TENM1: variants seen among roughly 807,000 people sequenced by gnomAD.
TENM1 encodes teneurin transmembrane protein 1.
A neutral mutation model predicts 174.8 loss-of-function variants in TENM1; 35 were observed. That is an observed-to-expected ratio of 0.20 (90% CI 0.15 to 0.27). TENM1 has a LOEUF of 0.27. Among genes scored for constraint, TENM1 ranks in the 10% least tolerant of loss-of-function variants. The probability of loss-of-function intolerance (pLI) is 1.00; values close to 1 mark genes in which losing one functional copy is unlikely to be tolerated. For missense variants in TENM1, 1,633 were observed against 2,130.1 expected (o/e 0.77, Z 4.59); for synonymous variants, 781 against 798.7 (o/e 0.98, Z 0.37).
the TENM1 span, among the ~76,000 whole-genome samples, chrX:125,096,194 A>G: frequency 9.0e-6 from 1 of 111,699 alleles, no homozygotes; most frequent in Non-Finnish European, 1.9e-5. Flanking sequence ...CAAGCTGGAG[A>G]GGTAGGGTGG....
the TENM1 span, among the ~76,000 whole-genome samples, chrX:124,978,106 G>A: frequency 1.8e-5 from 2 of 108,149 alleles, no homozygotes; most frequent in Admixed American, 1.0e-4. Context: ...TGCCATATTC[G>A]ATCTGCTTTT....
chrX:125,186,810 T>C, the TENM1 span, among the ~76,000 whole-genome samples: 1 of 111,848 alleles, frequency 8.9e-6, no homozygotes, highest in Non-Finnish European at 1.9e-5. Flanking sequence ...ACGAATAGAC[T>C]AAGACAGTCT....
At chrX:124,432,069 A>C (rs1026313345) in intron 23 of TENM1, among the ~76,000 whole-genome samples, 3 of 112,304 alleles carry the variant, frequency 2.7e-5, no homozygotes, top group Non-Finnish European at 5.6e-5. Flanking sequence ...AAGTGGGGAA[A>C]ACAAAGCAAA....
intron 4 of TENM1, among the ~76,000 whole-genome samples, chrX:124,720,305 C>CT (rs2053282070): frequency 8.9e-6 from 1 of 111,968 alleles, no homozygotes; most frequent in South Asian, 3.7e-4. Flanking sequence ...CTAAAGCAGG[C>CT]ATCATCTGCA....
chrX:125,002,317 G>A, the TENM1 span, among the ~76,000 whole-genome samples: 1 of 111,547 alleles, frequency 9.0e-6, no homozygotes, highest in Non-Finnish European at 1.9e-5. Context: ...CTTTCCTAGA[G>A]AGCAAGGAGC....
intron 25 of TENM1, among the ~76,000 whole-genome samples, chrX:124,420,089 T>C (rs994634809): frequency 1.8e-5 from 2 of 112,086 alleles, no homozygotes; most frequent in Non-Finnish European, 3.8e-5. Flanking sequence ...TCTTCCTTGA[T>C]GCAGTCTGTT....
chrX:125,044,214 A>T, the TENM1 span, among the ~76,000 whole-genome samples: 1 of 94,299 alleles, frequency 1.1e-5, no homozygotes, highest in African/African-American at 4.7e-5. Flanking sequence ...AAAAAAAATA[A>T]AAAAAAAATA....
At chrX:124,398,692 T>C (rs2060366345) in intron 27 of TENM1, among the ~76,000 whole-genome samples, 1 of 111,480 alleles carries the variant, frequency 9.0e-6, no homozygotes, top group African/African-American at 3.3e-5. Context: ...TTTATTTGGA[T>C]AGTTTACACA....
intron 1 of TENM1, among the ~76,000 whole-genome samples, chrX:124,914,953 C>A (rs1255607567): frequency 8.9e-6 from 1 of 111,980 alleles, no homozygotes; most frequent in Non-Finnish European, 1.9e-5. Context: ...TCTGGCCACT[C>A]ACTCTCTTGC....
At chrX:125,070,962 T>A in the TENM1 span, among the ~76,000 whole-genome samples, 1 of 111,970 alleles carries the variant, frequency 8.9e-6, no homozygotes, top group Non-Finnish European at 1.9e-5. Flanking sequence ...CTACTCACTC[T>A]TCTACAAATC....
intron 4 of TENM1, among the ~76,000 whole-genome samples, chrX:124,705,966 C>T (rs2052894142): frequency 8.9e-6 from 1 of 111,962 alleles, no homozygotes; most frequent in South Asian, 3.7e-4. Context: ...AGTGCAATGG[C>T]ATGATCTCGG....
At chrX:125,143,183 T>TAA in the TENM1 span, among the ~76,000 whole-genome samples, 1 of 111,744 alleles carries the variant, frequency 8.9e-6, no homozygotes, top group Non-Finnish European at 1.9e-5. Context: ...CGTCTATTCA[T>TAA]AACATGATTA....
At chrX:125,019,628 T>C in the TENM1 span, among the ~76,000 whole-genome samples, 2 of 110,976 alleles carry the variant, frequency 1.8e-5, no homozygotes. Flanking sequence ...AATAGTGTAA[T>C]AAAATGAGCC....
At chrX:124,560,253 T>C (rs143951342) in intron 14 of TENM1, among the ~76,000 whole-genome samples, 583 of 106,047 alleles carry the variant, frequency 5.5e-3, no homozygotes, top group Non-Finnish European at 8.2e-3. Context: ...TGTAGTTTAC[T>C]ATCTTTCAAG....
intron 3 of TENM1, among the ~76,000 whole-genome samples, chrX:124,837,797 GA>G (rs984548061): frequency 2.7e-4 from 29 of 105,860 alleles, no homozygotes; most frequent in South Asian, 2.4e-3. Context: ...AGGTTAGACA[GA>G]AAAAAAAAAC....
chrX:124,502,001 T>C (rs750939014), intron 19 of TENM1, among the ~76,000 whole-genome samples: 3 of 58,962 alleles, frequency 5.1e-5, no homozygotes, highest in Non-Finnish European at 9.3e-5. Context: ...TTTCTCAGAA[T>C]AAATTTCTCA....
chrX:124,619,908 G>A (rs1174782544), intron 11 of TENM1, among the ~76,000 whole-genome samples: 1 of 111,740 alleles, frequency 8.9e-6, no homozygotes, highest in African/African-American at 3.3e-5. Flanking sequence ...AACAAATGAT[G>A]CAATCAAAGG....
the TENM1 span, among the ~76,000 whole-genome samples, chrX:125,197,974 G>A: frequency 8.9e-6 from 1 of 111,843 alleles, no homozygotes; most frequent in African/African-American, 3.2e-5. Flanking sequence ...AGCCGGTATT[G>A]CAAAAGACTT....
chrX:125,110,079 A>T, the TENM1 span, among the ~76,000 whole-genome samples: 1 of 111,809 alleles, frequency 8.9e-6, no homozygotes, highest in African/African-American at 3.2e-5. Context: ...ATTTTCATGG[A>T]TGGGCACTTT....
Sources: gnomAD v4.1 joint callset for allele counts (sites outside exome capture counted in the v4.1 genomes callset) on GRCh38, gnomAD v4.1.1 for gene constraint, MANE v1.5 for transcripts, NCBI Gene and HGNC (gene_info 2026-07-23, HGNC 2026-07-21) for gene names.